The following ZFAND3 variants were observed in gnomAD, a reference collection of about 807,000 sequenced individuals.
ZFAND3 encodes the protein zinc finger AN1-type containing 3, also known as AN1-type zinc finger protein 3.
A neutral mutation model predicts 29.6 loss-of-function variants in ZFAND3; 10 were observed. The ratio of observed to expected loss-of-function variants is 0.34; its 90% CI spans 0.21 to 0.57. The LOEUF is 0.57. Ranked by LOEUF, ZFAND3 falls within the 20% of genes least tolerant of loss-of-function variation. ZFAND3 has a pLI of 0.86. For missense variants in ZFAND3, 230 were observed against 304.5 expected (o/e 0.76, Z 1.82); for synonymous variants, 128 against 112.6 (o/e 1.14, Z -0.87).
At chr6:38,136,814 G>C (rs909789266) in intron 5 of ZFAND3, among the ~76,000 whole-genome samples, 2 of 152,214 alleles carry the variant, frequency 1.3e-5, no homozygotes, top group Admixed American at 1.3e-4. Flanking sequence ...CGTGTAGTTT[G>C]TGCATCCTTG....
chr6:37,966,159 G>C (rs902702510), intron 2 of ZFAND3, among the ~76,000 whole-genome samples: 1 of 152,172 alleles, frequency 6.6e-6, no homozygotes, highest in Non-Finnish European at 1.5e-5. Context: ...GTTGGCATTT[G>C]CATTTTCCTT....
At position 38,076,009 on chromosome 6, in the gene ZFAND3, T is replaced by C. The variant is rs148992693; in HGVS notation, c.296-6383T>C. Among the ~76,000 whole-genome samples, 468 of 152,176 alleles carry C rather than the reference T, an allele frequency of 3.1e-3. 2 individuals carry two copies. The highest frequency in any genetic ancestry group is 0.011 in the African/African-American group (445 of 41,524). ...CCTTGTGATCCGCCTCCCTCAGCCT[T>C]GCAAAGCGCTGGGATTACAGATGTG... is the stretch of plus-strand genomic sequence containing the variant. On this transcript the variant is annotated intron_variant, in intron 3 of 5. Coordinates refer to ENST00000287218, the MANE Select transcript of ZFAND3 (RefSeq NM_021943.3).
intron 2 of ZFAND3, among the ~76,000 whole-genome samples, chr6:38,010,793 G>T (rs1183141018): frequency 6.6e-6 from 1 of 151,476 alleles, no homozygotes; most frequent in African/African-American, 2.4e-5. Context: ...TAGAGATGGG[G>T]TTTCACCATG....
At chr6:37,909,184 C>A (rs1042493343) in intron 1 of ZFAND3, among the ~76,000 whole-genome samples, 30 of 152,014 alleles carry the variant, frequency 2.0e-4, no homozygotes, top group African/African-American at 7.2e-4. Context: ...TAGCACTCAG[C>A]AAGATGATAG....
At chr6:37,944,200 G>C (rs960299720) in intron 2 of ZFAND3, among the ~76,000 whole-genome samples, 2 of 152,074 alleles carry the variant, frequency 1.3e-5, no homozygotes, top group Non-Finnish European at 2.9e-5. Context: ...ATTTAAATAT[G>C]ACAGTTGGAT....
intron 2 of ZFAND3, among the ~76,000 whole-genome samples, chr6:38,021,402 T>A (rs1475397775): frequency 6.6e-6 from 1 of 152,178 alleles, no homozygotes; most frequent in Non-Finnish European, 1.5e-5. Flanking sequence ...CTTCTTCATA[T>A]GAGTTAGTGA....
intron 1 of ZFAND3, among the ~76,000 whole-genome samples, chr6:37,918,071 GTTTTGTTTTGT>G (rs1282115478): frequency 4.0e-5 from 6 of 151,848 alleles, no homozygotes; most frequent in African/African-American, 1.2e-4. Flanking sequence ...GTCTTTTTTT[GTTTTGTTTTGT>G]TTTTGTTTTT....
chr6:38,105,673 C>T (rs1339884602), intron 4 of ZFAND3, among the ~76,000 whole-genome samples: 1 of 152,094 alleles, frequency 6.6e-6, no homozygotes, highest in Non-Finnish European at 1.5e-5. Flanking sequence ...TGATGTTGTA[C>T]TAGAGTTCTG....
chr6:38,010,661 G>T (rs9470745), intron 2 of ZFAND3, among the ~76,000 whole-genome samples: 1 of 148,748 alleles, frequency 6.7e-6, no homozygotes, highest in African/African-American at 2.5e-5. Flanking sequence ...GTGCAATGGC[G>T]CAATCTCAGC....
chr6:37,960,155 C>G (rs745906275), intron 2 of ZFAND3, among the ~76,000 whole-genome samples: 4 of 152,188 alleles, frequency 2.6e-5, no homozygotes, highest in Non-Finnish European at 2.9e-5. Flanking sequence ...AATAGCCCTA[C>G]TTATTTTTCT....
chr6:38,100,226 G>C (rs973320517), intron 4 of ZFAND3, among the ~76,000 whole-genome samples: 4 of 152,028 alleles, frequency 2.6e-5, no homozygotes, highest in African/African-American at 9.7e-5. Flanking sequence ...ACCACGCCAA[G>C]CTCGTTTTTG....
intron 1 of ZFAND3, among the ~76,000 whole-genome samples, chr6:37,833,689 G>C (rs569371157): frequency 1.0e-3 from 157 of 151,998 alleles, no homozygotes; most frequent in Middle Eastern, 0.01. Context: ...AGCTGGGCGT[G>C]GTGGCGAGCG....
At position 38,114,337 on chromosome 6, in the gene ZFAND3, A is replaced by C. The variant is rs997479840; in HGVS notation, c.362-2235A>C. Among the ~76,000 whole-genome samples, 7 of 152,182 alleles carry C rather than the reference A, an allele frequency of 4.6e-5. No homozygotes were observed. In the South Asian group the frequency reaches 6.2e-4, roughly 14 times the overall value. On this transcript the variant is annotated intron_variant, in intron 4 of 5. Coordinates refer to ENST00000287218, the MANE Select transcript of ZFAND3 (RefSeq NM_021943.3). The stretch of plus-strand genomic sequence containing the variant: ...TCTTTCAGCTGACTGCTTTGTAATG[A>C]TTTATATTTAAATTGTTGCTTGTTG...
chr6:37,967,779 A>G (rs1312751976), intron 2 of ZFAND3, among the ~76,000 whole-genome samples: 1 of 152,066 alleles, frequency 6.6e-6, no homozygotes, highest in Admixed American at 6.6e-5. Context: ...CCAACCTCCC[A>G]TCTTTGACAC....
At chr6:37,890,299 A>G (rs570299855) in intron 1 of ZFAND3, among the ~76,000 whole-genome samples, 10 of 152,278 alleles carry the variant, frequency 6.6e-5, no homozygotes, top group Admixed American at 5.2e-4. Context: ...CTATAGGTTG[A>G]CTATTATCAA....
chr6:37,839,963 TTATC>T (rs1194697092), intron 1 of ZFAND3, among the ~76,000 whole-genome samples: 1 of 152,210 alleles, frequency 6.6e-6, no homozygotes, highest in Non-Finnish European at 1.5e-5. Context: ...GAATTCTTAT[TTATC>T]TTTTTGTTGT....
intron 1 of ZFAND3, among the ~76,000 whole-genome samples, chr6:37,915,899 A>G (rs1342416455): frequency 6.6e-6 from 1 of 152,122 alleles, no homozygotes; most frequent in Non-Finnish European, 1.5e-5. Context: ...GCTCCCAAGT[A>G]GCTGGGATTT....
At chr6:38,135,763 C>CA (rs72123739) in intron 5 of ZFAND3, among the ~76,000 whole-genome samples, 17 of 151,116 alleles carry the variant, frequency 1.1e-4, no homozygotes, top group East Asian at 3.9e-4. Flanking sequence ...AAAAAACAAA[C>CA]AAAAAAAACA....
intron 2 of ZFAND3, among the ~76,000 whole-genome samples, chr6:37,961,691 T>C (rs1762201402): frequency 6.6e-6 from 1 of 152,194 alleles, no homozygotes; most frequent in South Asian, 2.1e-4. Flanking sequence ...TGGGAGAAAG[T>C]ACAGGAAGAA....
Sources: gnomAD v4.1 joint callset for allele counts (sites outside exome capture counted in the v4.1 genomes callset) on GRCh38, gnomAD v4.1.1 for gene constraint, MANE v1.5 for transcripts, NCBI Gene and HGNC (gene_info 2026-07-23, HGNC 2026-07-21) for gene names.